KAZN: variants seen among roughly 807,000 people sequenced by gnomAD.
KAZN encodes kazrin.
A neutral mutation model predicts 87.4 loss-of-function variants in KAZN; 40 were observed. That is an observed-to-expected ratio of 0.46 (90% CI 0.36 to 0.60). The LOEUF (loss-of-function observed/expected upper bound fraction) is 0.60, where lower values mean the gene tolerates loss of function less well. Among genes scored for constraint, KAZN ranks in the 20% least tolerant of loss-of-function variants. The probability of loss-of-function intolerance (pLI) is 0.00; values close to 1 mark genes in which losing one functional copy is unlikely to be tolerated. For synonymous variants in KAZN, 466 were observed against 458.3 expected, an observed-to-expected ratio of 1.02 and a Z score of -0.22; for missense variants, 898 against 1,073.9, an observed-to-expected ratio of 0.84 and a Z score of 2.29.
intron 8 of KAZN, 97 bp downstream of exon 8, chr1:15,065,850 G>A: frequency 6.4e-7 from 1 of 1,562,324 alleles, no homozygotes; most frequent in Non-Finnish European, 8.7e-7. Flanking sequence ...GTGTGGGCGT[G>A]TGTGCAAGCG....
chr1:14,551,812 A>G (rs1673539885), intron 2 of KAZN, among the ~76,000 whole-genome samples: 1 of 152,150 alleles, frequency 6.6e-6, no homozygotes, highest in South Asian at 2.1e-4. Context: ...AAAGGAAGGT[A>G]GTATCGGTAT....
At position 13,989,794 on chromosome 1, in the gene KAZN, G is replaced by A. The variant is rs574707434; in HGVS notation, c.91+96038G>A. Among the ~76,000 whole-genome samples, 41 of 152,264 alleles carry A rather than the reference G, an allele frequency of 2.7e-4. 1 individual carries two copies. In the South Asian group the frequency reaches 7.7e-3, roughly 28 times the overall value. On this transcript the variant is annotated intron_variant, in intron 1 of 16. Transcript: ENST00000636203. Reference sequence around the variant, plus strand: ...CCTCATCAAGCTCATCTTTGATCCCGTGGAGAAGGATTGAAAAGAATTGCT... The same window carrying A: ...CCTCATCAAGCTCATCTTTGATCCCATGGAGAAGGATTGAAAAGAATTGCT...
At chr1:14,546,116 G>A (rs892241709) in intron 2 of KAZN, among the ~76,000 whole-genome samples, 1 of 152,160 alleles carries the variant, frequency 6.6e-6, no homozygotes, top group African/African-American at 2.4e-5. Flanking sequence ...AAAAAGGGTA[G>A]GTTCCTGTGA....
At chr1:14,189,590 G>C (rs1448868720) in intron 2 of KAZN, among the ~76,000 whole-genome samples, 1 of 152,102 alleles carries the variant, frequency 6.6e-6, no homozygotes, top group Non-Finnish European at 1.5e-5. Flanking sequence ...CAGCTGCAAT[G>C]ACTCACCTCT....
intron 1 of KAZN, among the ~76,000 whole-genome samples, chr1:14,666,570 A>C (rs971731108): frequency 2.6e-5 from 4 of 152,290 alleles, no homozygotes; most frequent in Non-Finnish European, 5.9e-5. Flanking sequence ...TGGAAGTACA[A>C]GATCCAGGTG....
At chr1:14,041,771 G>A (rs1233221692) in intron 1 of KAZN, among the ~76,000 whole-genome samples, 1 of 152,168 alleles carries the variant, frequency 6.6e-6, no homozygotes, top group East Asian at 1.9e-4. Context: ...TTCCTACAGA[G>A]TACTAGAGAA....
At chr1:14,097,208 A>G (rs1475655879) in intron 1 of KAZN, among the ~76,000 whole-genome samples, 1 of 152,170 alleles carries the variant, frequency 6.6e-6, no homozygotes, top group Non-Finnish European at 1.5e-5. Context: ...GAAGAAGGGA[A>G]ACTAGTTGGG....
chr1:14,911,744 C>G (rs1657273299), intron 1 of KAZN, among the ~76,000 whole-genome samples: 1 of 152,158 alleles, frequency 6.6e-6, no homozygotes, highest in Admixed American at 6.5e-5. Context: ...GACAGTTTCC[C>G]AGTGGGCTCT....
intron 1 of KAZN, among the ~76,000 whole-genome samples, chr1:14,068,722 A>G (rs1168535911): frequency 1.3e-5 from 2 of 152,150 alleles, no homozygotes; most frequent in African/African-American, 4.8e-5. Flanking sequence ...ACGACAGAGA[A>G]TGAGACTTGC....
intron 1 of KAZN, among the ~76,000 whole-genome samples, chr1:14,756,351 G>A (rs1430361925): frequency 2.0e-5 from 3 of 152,162 alleles, no homozygotes; most frequent in Admixed American, 6.5e-5. Flanking sequence ...CCCGGCAAGA[G>A]GTCTGGAAAG....
intron 1 of KAZN, among the ~76,000 whole-genome samples, chr1:14,150,919 C>T (rs1217159591): frequency 6.6e-6 from 1 of 152,094 alleles, no homozygotes; most frequent in Non-Finnish European, 1.5e-5. Context: ...AAAGAAAAGT[C>T]ATAGGTAATA....
chr1:14,519,193 G>A lies in KAZN; in HGVS notation c.250-79790G>A, dbSNP rs567255650. 4.0e-3 allele frequency among the ~76,000 whole-genome samples: 610 copies of A among 152,180 alleles called. 3 individuals are homozygous for A. Among genetic ancestry groups the A allele is most frequent in the Non-Finnish European group, 5.1e-3 (347 of 67,990 alleles). ...AAAACAAAAAGTTTCTGGAATCAAA[G>A]AAATAGCCCCTGACTACACAGCTTG... On this transcript the variant is annotated intron_variant, in intron 2 of 16. Coordinates refer to the KAZN transcript ENST00000636203.
rs561047318 is a variant in KAZN at position 14,002,564 on chromosome 1, G to C, written c.91+108808G>C. ...TGCAAGTCCAGTTAAACCTCTTTTT[G>C]TTCCCGGTTTTGGGTGCGTCTTTAT... On this transcript the variant is annotated intron_variant, in intron 1 of 16. Coordinates refer to the KAZN transcript ENST00000636203. 3.9e-4 allele frequency among the ~76,000 whole-genome samples: 59 copies of C among 152,154 alleles called. 2 individuals are homozygous for C. Among genetic ancestry groups the C allele is most frequent in the Non-Finnish European group, 2.6e-4 (18 of 68,026 alleles).
rs570738593 is a variant in KAZN, at chr1:14,949,710, T to G, written c.227-10974T>G. On this transcript the variant is annotated intron_variant, in intron 1 of 14. Transcript: ENST00000376030. This position sits in a 1 kb window ranked among gnomAD's most constrained non-coding sequence, Gnocchi z 4.3. ...AGTGGGGCTGGAGGTCTGCGATTCCTTGACTTCCCCAGGACATCCCTGCTT... is the reference window on the plus strand; with the variant it reads ...AGTGGGGCTGGAGGTCTGCGATTCCGTGACTTCCCCAGGACATCCCTGCTT... Among the ~76,000 whole-genome samples, 1 of 152,190 alleles carries G rather than the reference T, an allele frequency of 6.6e-6. No homozygotes were observed. Among genetic ancestry groups the G allele is most frequent in the Non-Finnish European group, 1.5e-5 (1 of 68,026 alleles).
intron 4 of KAZN, among the ~76,000 whole-genome samples, chr1:15,045,799 G>A (rs942177643): frequency 2.6e-5 from 4 of 152,124 alleles, no homozygotes; most frequent in Admixed American, 1.3e-4. Context: ...ACTACCACAC[G>A]CTTATGAACC....
chr1:13,922,178 A>G (rs1164613477), intron 1 of KAZN, among the ~76,000 whole-genome samples: 3 of 152,072 alleles, frequency 2.0e-5, no homozygotes, highest in African/African-American at 7.3e-5. Flanking sequence ...TGCTTTGGGG[A>G]AAATCCATGG....
chr1:14,587,736 C>G (rs1046493660), intron 2 of KAZN, among the ~76,000 whole-genome samples: 40 of 152,020 alleles, frequency 2.6e-4, no homozygotes, highest in African/African-American at 9.4e-4. Context: ...AGACATCGGC[C>G]GCCATGATCC....
At chr1:13,911,992 G>A (rs1370201909) in intron 1 of KAZN, among the ~76,000 whole-genome samples, 1 of 152,166 alleles carries the variant, frequency 6.6e-6, no homozygotes, top group African/African-American at 2.4e-5. Context: ...CATTACTATT[G>A]TTTTAAATCT....
At chr1:14,583,989 C>T (rs1474680056) in intron 2 of KAZN, among the ~76,000 whole-genome samples, 1 of 152,138 alleles carries the variant, frequency 6.6e-6, no homozygotes, top group African/African-American at 2.4e-5. Context: ...TCTCCAAGTC[C>T]CCGCCCAGGC....
Sources: allele counts gnomAD v4.1 joint callset (sites outside exome capture counted in the v4.1 genomes callset), GRCh38; gene constraint gnomAD v4.1.1; non-coding constraint Gnocchi (gnomAD v3.1); transcripts MANE v1.5; gene names NCBI Gene and HGNC (gene_info 2026-07-23, HGNC 2026-07-21).